The following DLGAP2 variants were observed in gnomAD, a reference collection of about 807,000 sequenced individuals.
DLGAP2 encodes disks large-associated protein 2.
In DLGAP2, 26 loss-of-function variants were observed where a neutral mutation model predicts 100.3. The observed-to-expected ratio is 0.26, with a 90% confidence interval of 0.19 to 0.36. The LOEUF (loss-of-function observed/expected upper bound fraction) is 0.36, where lower values mean the gene tolerates loss of function less well. Ranked by LOEUF, DLGAP2 falls within the 10% of genes least tolerant of loss-of-function variation. The pLI is 1.00. For synonymous variants in DLGAP2, 886 were observed against 630.1 expected (o/e 1.41, Z -6.08); for missense variants, 1,858 against 1,453.2 (o/e 1.28, Z -4.53).
intron 2 of DLGAP2, among the ~76,000 whole-genome samples, chr8:1,148,397 GAAT>G (rs1024495439): frequency 1.3e-5 from 2 of 151,030 alleles, no homozygotes; most frequent in African/African-American, 2.4e-5. Context: ...GTCTTTTAAA[GAAT>G]AATATTTTTT....
At chr8:1,626,055 T>C (rs113748845) in intron 6 of DLGAP2, among the ~76,000 whole-genome samples, 3,606 of 62,872 alleles carry the variant, frequency 0.057, 585 homozygotes, top group African/African-American at 0.18. Flanking sequence ...GTGGGTTGGA[T>C]GGCTTTCCCA....
At chr8:896,341 C>T (rs1346150912) in intron 1 of DLGAP2, among the ~76,000 whole-genome samples, 1 of 150,140 alleles carries the variant, frequency 6.7e-6, no homozygotes, top group Non-Finnish European at 1.5e-5. Context: ...CAGGACCTGG[C>T]CGGGGAGTGG....
At chr8:1,468,870 G>A (rs186941320) in intron 3 of DLGAP2, among the ~76,000 whole-genome samples, 11 of 152,196 alleles carry the variant, frequency 7.2e-5, no homozygotes, top group African/African-American at 2.2e-4. Flanking sequence ...CACGCTGCCC[G>A]GCCCAGACTC....
chr8:1,323,569 C>T (rs1485036024), intron 3 of DLGAP2, among the ~76,000 whole-genome samples: 2 of 152,166 alleles, frequency 1.3e-5, no homozygotes, highest in Admixed American at 6.5e-5. Flanking sequence ...AACCAGGATT[C>T]GAACGTGGGG....
In DLGAP2 at chr8:1,113,246, A is replaced by G. The variant is rs548625017; in HGVS notation, c.74-145605A>G. On this transcript the variant is annotated intron_variant, in intron 2 of 14. Transcript: ENST00000637795. Reference sequence around the variant, plus strand: ...TTTTTCTAGTTCTGTAAAGAGTGTCATTGGTATTTTGATAGGAATAGCAAT... The same window carrying G: ...TTTTTCTAGTTCTGTAAAGAGTGTCGTTGGTATTTTGATAGGAATAGCAAT... Among the ~76,000 whole-genome samples, 19 of 152,202 alleles carry G rather than the reference A, an allele frequency of 1.2e-4. No individual in the cohort carries two copies. In the South Asian group the frequency reaches 3.5e-3, roughly 28 times the overall value.
chr8:863,531 T>A (rs1797432424), intron 1 of DLGAP2, among the ~76,000 whole-genome samples: 1 of 152,256 alleles, frequency 6.6e-6, no homozygotes, highest in South Asian at 2.1e-4. Context: ...CGCTGTCAGA[T>A]GCATGCTTTG....
At chr8:1,408,246 C>A (rs1381466307) in intron 3 of DLGAP2, among the ~76,000 whole-genome samples, 1 of 152,220 alleles carries the variant, frequency 6.6e-6, no homozygotes, top group Non-Finnish European at 1.5e-5. Context: ...ACTCATTCTC[C>A]ACTTTCCGCG....
chr8:1,700,947 C>A (rs1390626684), intron 14 of DLGAP2, among the ~76,000 whole-genome samples: 1 of 152,214 alleles, frequency 6.6e-6, no homozygotes, highest in East Asian at 1.9e-4. Flanking sequence ...TCCACGCTGC[C>A]CCTGACGCCT....
chr8:1,258,770 G>A, intron 2 of DLGAP2, 81 bp from the exon 3 acceptor site: 2 of 1,161,154 alleles, frequency 1.7e-6, no homozygotes, highest in Non-Finnish European at 2.2e-6. Flanking sequence ...TTGTAGTTTT[G>A]TTGTTGCTGA....
chr8:1,418,531 A>G (rs1292667707), intron 3 of DLGAP2, among the ~76,000 whole-genome samples: 1 of 152,128 alleles, frequency 6.6e-6, no homozygotes, highest in Non-Finnish European at 1.5e-5. Flanking sequence ...CACAGTCAAA[A>G]TGGAAGCTTC....
Position 982,002 on chromosome 8 carries a change from C to T in DLGAP2, c.73+74036C>T, listed in dbSNP as rs140034775. Among the ~76,000 whole-genome samples the T allele has an allele frequency of 1.2e-4, 18 of 152,338 alleles. No individual in the cohort carries two copies. The East Asian group carries it at 1.5e-3, about 13-fold the overall frequency. The stretch of plus-strand genomic sequence containing the variant: ...CCTGGCCTTGGAAGTCATCTCTGGG[C>T]AGTGCTGTCCTTTTGCTCCTCCACC... On this transcript the variant is annotated intron_variant, in intron 2 of 14. Transcript: ENST00000637795.
intron 1 of DLGAP2, among the ~76,000 whole-genome samples, chr8:830,266 A>G (rs12548325): frequency 0.13 from 20,064 of 152,180 alleles, 1,472 homozygotes; most frequent in East Asian, 0.24. Flanking sequence ...TCAGTGGGGT[A>G]TCCATCCCCT....
chr8:1,171,324 C>T (rs976969830), intron 2 of DLGAP2, among the ~76,000 whole-genome samples: 15 of 152,090 alleles, frequency 9.9e-5, no homozygotes, highest in South Asian at 2.1e-4. Context: ...GTTTTGGAAT[C>T]GGTGTGGTTT....
chr8:972,738 C>A (rs1480419111), intron 2 of DLGAP2, among the ~76,000 whole-genome samples: 1 of 152,038 alleles, frequency 6.6e-6, no homozygotes, highest in Non-Finnish European at 1.5e-5. Context: ...ACAAAGATCT[C>A]TGGTTTTCCT....
At chr8:1,223,189 G>T (rs1798351310) in intron 2 of DLGAP2, among the ~76,000 whole-genome samples, 1 of 152,170 alleles carries the variant, frequency 6.6e-6, no homozygotes, top group African/African-American at 2.4e-5. Context: ...CCAATAACAA[G>T]TCCTGGTGCC....
intron 3 of DLGAP2, among the ~76,000 whole-genome samples, chr8:1,299,599 C>G (rs1315002705): frequency 6.6e-6 from 1 of 152,204 alleles, no homozygotes; most frequent in Non-Finnish European, 1.5e-5. Flanking sequence ...TTCGTTCCTG[C>G]TGGGATATTC....
chr8:1,374,409 G>C (rs1802340282), intron 3 of DLGAP2, among the ~76,000 whole-genome samples: 1 of 152,172 alleles, frequency 6.6e-6, no homozygotes, highest in Non-Finnish European at 1.5e-5. Context: ...ACCAACTTTT[G>C]TTCTTGGACC....
In DLGAP2 at chr8:1,549,470, C is replaced by G; in HGVS notation, c.1017C>G (p.Ser339=). Residue 339 remains serine (S), a synonymous_variant, in exon 5 of 15, where the codon TCC becomes TCG. Coordinates refer to ENST00000637795, the MANE Select transcript of DLGAP2 (RefSeq NM_001346810.2). ...DALQSPFGDL[S]LKTSKSNNDV... ...TGCAGAGCCCCTTCGGGGACCTGTCCCTCAAGACCTCCAAGAGCAACAACG... is the reference window on the plus strand; with the variant it reads ...TGCAGAGCCCCTTCGGGGACCTGTCGCTCAAGACCTCCAAGAGCAACAACG... The G allele has an allele frequency of 6.2e-7, 1 of 1,613,466 alleles. No homozygotes were observed. Among genetic ancestry groups the G allele is most frequent in the Non-Finnish European group, 8.5e-7 (1 of 1,179,772 alleles).
chr8:1,574,040 A>T (rs567389021), intron 6 of DLGAP2, among the ~76,000 whole-genome samples: 1 of 152,256 alleles, frequency 6.6e-6, no homozygotes, highest in African/African-American at 2.4e-5. Flanking sequence ...TCACATTTGC[A>T]TTGAGGGGTC....
Sources: gnomAD v4.1 joint callset for allele counts (sites outside exome capture counted in the v4.1 genomes callset) on GRCh38, gnomAD v4.1.1 for gene constraint, MANE v1.5 for transcripts, NCBI Gene and HGNC (gene_info 2026-07-23, HGNC 2026-07-21) for gene names.